The following LINGO2 variants were observed in gnomAD, a reference collection of about 807,000 sequenced individuals.
The protein encoded by LINGO2 is leucine-rich repeat and immunoglobulin-like domain-containing nogo receptor-interacting protein 2.
Under a neutral mutation model 30.6 loss-of-function variants are expected in LINGO2, and 14 were observed. The observed-to-expected ratio is 0.46, with a 90% CI of 0.30 to 0.72. LINGO2 has a LOEUF of 0.72. Among genes scored for constraint, LINGO2 ranks in the 30% least tolerant of loss-of-function variants. The probability of loss-of-function intolerance (pLI) is 0.07; values close to 1 mark genes in which losing one functional copy is unlikely to be tolerated. For synonymous variants in LINGO2, 317 were observed against 288.5 expected (o/e 1.10, Z -1.00); for missense variants, 729 against 751.7 (o/e 0.97, Z 0.35).
chr9:29,026,630 C>G, the LINGO2 span, among the ~76,000 whole-genome samples: 1 of 151,800 alleles, frequency 6.6e-6, no homozygotes, highest in African/African-American at 2.4e-5. Context: ...AGAAAATATC[C>G]AAAAATATTA....
At chr9:28,437,299 G>A (rs531869529) in intron 2 of LINGO2, among the ~76,000 whole-genome samples, 1 of 152,178 alleles carries the variant, frequency 6.6e-6, no homozygotes, top group Admixed American at 6.5e-5. Context: ...TTCAGACTTT[G>A]GACCCTAGAA....
chr9:28,515,237 C>T (rs1480593402), intron 1 of LINGO2, among the ~76,000 whole-genome samples: 4 of 145,364 alleles, frequency 2.8e-5, no homozygotes, highest in Admixed American at 2.1e-4. Context: ...GATGGAGTCT[C>T]GCTCTGTCGC....
At chr9:28,368,556 T>C (rs2134551990) in intron 3 of LINGO2, among the ~76,000 whole-genome samples, 1 of 151,914 alleles carries the variant, frequency 6.6e-6, no homozygotes, top group South Asian at 2.1e-4. Context: ...AATCCTGTTT[T>C]CATTAGAGTG....
chr9:28,101,665 A>G (rs1157578338), intron 4 of LINGO2, among the ~76,000 whole-genome samples: 1 of 152,144 alleles, frequency 6.6e-6, no homozygotes, highest in Non-Finnish European at 1.5e-5. Context: ...GGACAAGGGA[A>G]TATTTGTCTC....
the LINGO2 span, among the ~76,000 whole-genome samples, chr9:28,963,782 T>C: frequency 6.6e-6 from 1 of 151,704 alleles, no homozygotes; most frequent in African/African-American, 2.4e-5. Flanking sequence ...GAAGAGTGTG[T>C]GTAGGAAGAG....
At chr9:28,857,455 A>G in the LINGO2 span, among the ~76,000 whole-genome samples, 3 of 152,040 alleles carry the variant, frequency 2.0e-5, no homozygotes, top group Non-Finnish European at 2.9e-5. Flanking sequence ...TAGGGAGGAT[A>G]AGTGACCAGC....
intron 2 of LINGO2, among the ~76,000 whole-genome samples, chr9:28,467,954 T>C (rs1825377423): frequency 6.6e-6 from 1 of 152,278 alleles, no homozygotes; most frequent in African/African-American, 2.4e-5. Context: ...ATACAAAATA[T>C]ACAATATTGT....
chr9:29,188,449 T>G, the LINGO2 span, among the ~76,000 whole-genome samples: 1 of 152,210 alleles, frequency 6.6e-6, no homozygotes, highest in Admixed American at 6.5e-5. Flanking sequence ...CCATCCGATT[T>G]CTCAATCTTT....
the LINGO2 span, among the ~76,000 whole-genome samples, chr9:28,965,957 C>T: frequency 6.6e-6 from 1 of 152,124 alleles, no homozygotes; most frequent in African/African-American, 2.4e-5. Context: ...AGCTAAAAAG[C>T]CCCAAAAGCC....
chr9:28,644,589 A>G (rs1391789745), intron 1 of LINGO2, among the ~76,000 whole-genome samples: 1 of 151,830 alleles, frequency 6.6e-6, no homozygotes, highest in Non-Finnish European at 1.5e-5. Flanking sequence ...AACAGAAAAA[A>G]AAAAAAGAAA....
intron 4 of LINGO2, among the ~76,000 whole-genome samples, chr9:28,108,056 A>G (rs919782646): frequency 6.6e-6 from 1 of 152,158 alleles, no homozygotes. Context: ...CACAAATGGA[A>G]GCAAAAAGCT....
intron 1 of LINGO2, among the ~76,000 whole-genome samples, chr9:28,498,883 A>G (rs1010029689): frequency 5.9e-5 from 9 of 152,142 alleles, no homozygotes; most frequent in African/African-American, 2.2e-4. Flanking sequence ...AGACTATATA[A>G]TAAAAATAAT....
intron 4 of LINGO2, among the ~76,000 whole-genome samples, chr9:28,223,922 G>C (rs918003388): frequency 6.6e-6 from 1 of 152,172 alleles, no homozygotes; most frequent in African/African-American, 2.4e-5. Flanking sequence ...TTTTGAGTTT[G>C]GTGTGGCAAT....
chr9:28,286,552 A>G (rs1238935095), intron 4 of LINGO2, among the ~76,000 whole-genome samples: 2 of 152,226 alleles, frequency 1.3e-5, no homozygotes, highest in Non-Finnish European at 2.9e-5. Context: ...AACACATGGA[A>G]TCAATCTAAA....
intron 1 of LINGO2, among the ~76,000 whole-genome samples, chr9:28,511,300 T>C (rs1490132951): frequency 6.6e-6 from 1 of 152,136 alleles, no homozygotes; most frequent in Non-Finnish European, 1.5e-5. Context: ...AGGTCCAATA[T>C]AATCAACCTG....
chr9:28,549,082 A>G (rs889233536), intron 1 of LINGO2, among the ~76,000 whole-genome samples: 2 of 152,076 alleles, frequency 1.3e-5, no homozygotes, highest in East Asian at 1.9e-4. Flanking sequence ...TTAATGACAT[A>G]CAATTGCTTC....
chr9:28,795,940 T>G, the LINGO2 span, among the ~76,000 whole-genome samples: 1 of 150,150 alleles, frequency 6.7e-6, no homozygotes, highest in African/African-American at 2.5e-5. Context: ...GAAGAATAAA[T>G]AGTCAATGTA....
intron 1 of LINGO2, among the ~76,000 whole-genome samples, chr9:28,560,813 C>G (rs1823010108): frequency 6.6e-6 from 1 of 151,888 alleles, no homozygotes. Context: ...ACCACAGGTG[C>G]ACACCACCAT....
chr9:28,704,610 T>C, the LINGO2 span, among the ~76,000 whole-genome samples: 1 of 152,094 alleles, frequency 6.6e-6, no homozygotes, highest in Non-Finnish European at 1.5e-5. Flanking sequence ...CTTTCAGTTT[T>C]TCAGTCCTTT....
Sources: gnomAD v4.1 joint callset for allele counts (sites outside exome capture counted in the v4.1 genomes callset) on GRCh38, gnomAD v4.1.1 for gene constraint, MANE v1.5 for transcripts, NCBI Gene and HGNC (gene_info 2026-07-23, HGNC 2026-07-21) for gene names.